The following ZNF654 variants were observed in gnomAD, a reference collection of about 807,000 sequenced individuals.
ZNF654 encodes zinc finger protein 654, also known as melanoma-associated antigen.
Under a neutral mutation model 95.3 loss-of-function variants are expected in ZNF654, and 19 were observed. That is an observed-to-expected ratio of 0.20 (90% confidence interval 0.14 to 0.29). The LOEUF (loss-of-function observed/expected upper bound fraction) is 0.29. Ranked by LOEUF, ZNF654 falls within the 10% of genes least tolerant of loss-of-function variation. The probability of loss-of-function intolerance (pLI) is 1.00; values close to 1 mark genes in which losing one functional copy is unlikely to be tolerated. For synonymous variants in ZNF654, 413 were observed against 457.9 expected (o/e 0.90, Z 1.25); for missense variants, 1,046 against 1,341.0 (o/e 0.78, Z 3.44).
At chr3:88,093,295 G>A (rs1703858299) in intron 2 of ZNF654, among the ~76,000 whole-genome samples, 1 of 152,140 alleles carries the variant, frequency 6.6e-6, no homozygotes, top group Admixed American at 6.6e-5. Flanking sequence ...GGACTTTCAG[G>A]CAGAAAATAT....
chr3:88,108,501 G>A (rs2107746734), intron 2 of ZNF654, among the ~76,000 whole-genome samples: 2 of 152,258 alleles, frequency 1.3e-5, no homozygotes, highest in East Asian at 3.9e-4. Flanking sequence ...GTCCAAAAAT[G>A]TTAAATAGAA....
intron 1 of ZNF654, among the ~76,000 whole-genome samples, chr3:88,074,069 A>G (rs376105719): frequency 2.6e-4 from 40 of 152,180 alleles, no homozygotes; most frequent in Middle Eastern, 3.2e-3. Flanking sequence ...AATGTCCACA[A>G]AAATAAGAAT....
At chr3:88,098,627 T>C (rs1704209877) in intron 2 of ZNF654, among the ~76,000 whole-genome samples, 1 of 152,138 alleles carries the variant, frequency 6.6e-6, no homozygotes, top group African/African-American at 2.4e-5. Flanking sequence ...AAAAAGCTTA[T>C]CCACCATGAT....
rs76289195 is a variant in ZNF654 at position 88,075,889 on chromosome 3, A to G, written c.187-10368A>G. Among the ~76,000 whole-genome samples the G allele has an allele frequency of 3.9e-5, 6 of 152,322 alleles. No individual in the cohort carries two copies. In the East Asian group the frequency reaches 1.2e-3, roughly 29 times the overall value. On this transcript the variant is annotated intron_variant, in intron 1 of 8. Coordinates refer to ENST00000636215, the MANE Select transcript of ZNF654 (RefSeq NM_001350134.2). ...TCAAGCAAATTTTGCTCACTCTTGT[A>G]TCTGACTTAAGAAAAAAATCTTACC...
intron 2 of ZNF654, among the ~76,000 whole-genome samples, chr3:88,106,911 A>G (rs964486872): frequency 2.6e-5 from 4 of 152,146 alleles, no homozygotes; most frequent in South Asian, 2.1e-4. Context: ...ATCGTATACT[A>G]AATTTTCACA....
intron 2 of ZNF654, among the ~76,000 whole-genome samples, chr3:88,111,074 T>TGCTGTGTTGAACTGTTC (rs1705063076): frequency 6.6e-6 from 1 of 152,026 alleles, no homozygotes; most frequent in Non-Finnish European, 1.5e-5. Context: ...AGGAAGATAA[T>TGCTGTGTTGAACTGTTC]AACTGCTGTG....
intron 3 of ZNF654, among the ~76,000 whole-genome samples, chr3:88,119,549 TAAAA>T (rs56122963): frequency 7.0e-6 from 1 of 142,084 alleles, no homozygotes; most frequent in Non-Finnish European, 1.6e-5. Context: ...AATAATAAAT[TAAAA>T]AAAAAAAAAC....
At chr3:88,111,480 C>T (rs1270856353) in intron 2 of ZNF654, among the ~76,000 whole-genome samples, 1 of 151,736 alleles carries the variant, frequency 6.6e-6, no homozygotes, top group Non-Finnish European at 1.5e-5. Context: ...CTTTGCTTAA[C>T]AATATATCTT....
intron 2 of ZNF654, among the ~76,000 whole-genome samples, chr3:88,088,812 G>A (rs1708482007): frequency 1.3e-5 from 2 of 151,778 alleles, no homozygotes; most frequent in Admixed American, 6.6e-5. Flanking sequence ...TGGCTCTGTC[G>A]CCTAGGTTGG....
chr3:88,075,998 CTT>C (rs1707783197), intron 1 of ZNF654, among the ~76,000 whole-genome samples: 1 of 152,192 alleles, frequency 6.6e-6, no homozygotes, highest in South Asian at 2.1e-4. Context: ...TGAGACCTAA[CTT>C]TGACTTTCTG....
At chr3:88,116,631 T>C (rs1203776361) in intron 3 of ZNF654, among the ~76,000 whole-genome samples, 2 of 152,018 alleles carry the variant, frequency 1.3e-5, no homozygotes, top group African/African-American at 2.4e-5. Flanking sequence ...TGTGTGTATA[T>C]ATATGTATAT....
intron 3 of ZNF654, among the ~76,000 whole-genome samples, chr3:88,124,772 GT>G (rs11287888): frequency 0.78 from 114,589 of 147,048 alleles, 45,175 homozygotes; most frequent in South Asian, 0.9. Context: ...ACAATACTCA[GT>G]TTTTTTTTTT....
rs188374108 is a variant in ZNF654, at chr3:88,139,475, A to G, written c.1806A>G (p.Gln602=). 1.8e-4 allele frequency: 297 copies of G among 1,613,796 alleles called. 2 individuals carry two copies. The African/African-American group carries it at 3.1e-3, about 17-fold the overall frequency. Reference sequence around the variant, plus strand: ...ATGTTAAGAAGATACAGAGGCAGCAAATTGCTGCAGCTCAACAGGATGATC... The same window carrying G: ...ATGTTAAGAAGATACAGAGGCAGCAGATTGCTGCAGCTCAACAGGATGATC... ...KNHVKKIQRQ[Q]IAAAQQDDQE... Residue 602 remains glutamine, a synonymous_variant, in exon 8 of 9, where the codon CAA becomes CAG. Transcript: ENST00000636215.
chr3:88,100,372 G>T (rs1414795341), intron 2 of ZNF654, among the ~76,000 whole-genome samples: 1 of 152,196 alleles, frequency 6.6e-6, no homozygotes, highest in Non-Finnish European at 1.5e-5. Flanking sequence ...TACACTGTTG[G>T]TGGGACTGTA....
chr3:88,142,099 A>G lies in ZNF654; in HGVS notation c.*447A>G, dbSNP rs1291958882. 1.3e-5 allele frequency: 2 copies of G among 153,650 alleles called. No individual in the cohort carries two copies. The highest frequency in any genetic ancestry group is 1.9e-4 in the East Asian group (1 of 5,230). The allele number at this position is 153,650 out of a possible 1,614,324, so 9.5% of individuals were successfully genotyped here. On this transcript the variant is annotated 3_prime_UTR_variant, in exon 9 of 9. Coordinates refer to ENST00000636215, the MANE Select transcript of ZNF654 (RefSeq NM_001350134.2). ...AATGGGGTTTGTTTTCTTGTCATGC[A>G]TAATCAGATTATGTCCCCTCCCTTC... is the stretch of plus-strand genomic sequence containing the variant.
chr3:88,136,251 A>G (rs1278995319), intron 7 of ZNF654, among the ~76,000 whole-genome samples: 1 of 152,204 alleles, frequency 6.6e-6, no homozygotes, highest in Admixed American at 6.5e-5. Flanking sequence ...ATTATTATAG[A>G]AAGTTTACAG....
rs148043707 is a variant in ZNF654 at position 88,086,581 on chromosome 3, T to C, written c.332+179T>C. ...TGAACATGTAACCATAATTTTACTT[T>C]AAGTTTTAATAGTTAAATGGAATTT... On this transcript the variant is annotated intron_variant, in intron 2 of 8. Transcript: ENST00000636215. 4.5e-3 allele frequency among the ~76,000 whole-genome samples: 681 copies of C among 152,338 alleles called. 3 individuals are homozygous for C. Among genetic ancestry groups the C allele is most frequent in the Non-Finnish European group, 7.4e-3 (504 of 68,028 alleles).
rs541140906 is a variant in ZNF654 at position 88,121,416 on chromosome 3, A to C, written c.415-4718A>C. Among the ~76,000 whole-genome samples, 50 of 152,268 alleles carry C rather than the reference A, an allele frequency of 3.3e-4. 1 individual carries two copies. In the South Asian group the frequency reaches 9.9e-3, roughly 30 times the overall value. The stretch of plus-strand genomic sequence containing the variant: ...CATGTAATAAATGCAGATACTTCCA[A>C]ATGTTCATTTTAAATCATTTTCTTT... On this transcript the variant is annotated intron_variant, in intron 3 of 8. Transcript: ENST00000636215.
At chr3:88,106,978 C>T (rs531399717) in intron 2 of ZNF654, among the ~76,000 whole-genome samples, 3 of 152,076 alleles carry the variant, frequency 2.0e-5, no homozygotes. Flanking sequence ...TTTGTCTGTT[C>T]GTGTGCCAAC....
Sources: allele counts gnomAD v4.1 joint callset (sites outside exome capture counted in the v4.1 genomes callset), GRCh38; gene constraint gnomAD v4.1.1; transcripts MANE v1.5; gene names NCBI Gene and HGNC (gene_info 2026-07-23, HGNC 2026-07-21).